The following WDFY2 variants were observed in gnomAD, a reference collection of about 807,000 sequenced individuals.
WDFY2 encodes the protein WD repeat and FYVE domain containing 2.
In WDFY2, 36 loss-of-function variants were observed where a neutral mutation model predicts 56.4. That is an observed-to-expected ratio of 0.64 (90% CI 0.49 to 0.84). The LOEUF (loss-of-function observed/expected upper bound fraction) is 0.84. WDFY2 is among the 40% of genes least tolerant of loss of function. WDFY2 has a pLI of 0.00. For synonymous variants in WDFY2, 176 were observed against 183.7 expected (o/e 0.96, Z 0.34); for missense variants, 444 against 512.2 (o/e 0.87, Z 1.29).
intron 3 of WDFY2, among the ~76,000 whole-genome samples, chr13:51,676,151 A>C (rs1434484522): frequency 6.6e-6 from 1 of 152,120 alleles, no homozygotes; most frequent in African/African-American, 2.4e-5. Flanking sequence ...TCCTGCCCCA[A>C]ACTGCTCAGA....
In WDFY2 at chr13:51,762,285, C is replaced by T. The variant is rs1056413774; in HGVS notation, c.*2516C>T. The T allele has an allele frequency of 2.6e-5, 4 of 152,208 alleles. No individual in the cohort carries two copies. Among genetic ancestry groups the T allele is most frequent in the Admixed American group, 1.3e-4 (2 of 15,272 alleles). The allele number at this position is 152,208 out of a possible 1,614,324, so 9.4% of individuals were successfully genotyped here. A position where few individuals can be genotyped will look rare whatever the true frequency, so the allele number is the denominator to read the frequency against. On this transcript the variant is annotated 3_prime_UTR_variant, in exon 12 of 12. Coordinates refer to ENST00000298125, the MANE Select transcript of WDFY2 (RefSeq NM_052950.4). ...CCTCATTCGGGAAGCAGAGTGTCCC[C>T]GTCAGATCACATATGTCCTCTACAG...
chr13:51,767,562 A>G lies in WDFY2; in HGVS notation c.*7793A>G, dbSNP rs1267948048. On this transcript the variant is annotated 3_prime_UTR_variant, in exon 12 of 12. Coordinates refer to ENST00000298125, the MANE Select transcript of WDFY2 (RefSeq NM_052950.4). ...AAATCTGCTCATTGGTTTTATTACA[A>G]CTTTTCCTGGAGTCACTAAGAGGTA... 1.3e-5 allele frequency: 2 copies of G among 152,752 alleles called. No homozygotes were observed. Among genetic ancestry groups the G allele is most frequent in the Non-Finnish European group, 2.9e-5 (2 of 68,516 alleles). The allele number at this position is 152,752 out of a possible 1,614,324, so 9.5% of individuals were successfully genotyped here.
At chr13:51,741,295 G>A (rs577619512) in intron 7 of WDFY2, among the ~76,000 whole-genome samples, 26 of 152,334 alleles carry the variant, frequency 1.7e-4, no homozygotes, top group Admixed American at 3.3e-4. Flanking sequence ...TTTGCCTGGT[G>A]CTTTATTTAA....
In WDFY2 at chr13:51,739,067, G is replaced by C. The variant is rs753265654; in HGVS notation, c.617G>C (p.Cys206Ser). Residue 206 changes from cysteine (C) to serine (S), a missense_variant, in exon 7 of 12, where the codon TGT becomes TCT. Coordinates refer to ENST00000298125, the MANE Select transcript of WDFY2 (RefSeq NM_052950.4). ...RGHTGGVTAL[C>S]WDPVQRVLFS... The stretch of plus-strand genomic sequence containing the variant: ...CTCTCAGGTGGGGTGACCGCTCTCT[G>C]TTGGGACCCAGTCCAGCGGGTGTTG... The C allele has an allele frequency of 1.3e-6, 2 of 1,597,430 alleles. No individual in the cohort carries two copies. The highest frequency in any genetic ancestry group is 1.1e-5 in the South Asian group (1 of 87,136).
intron 1 of WDFY2, among the ~76,000 whole-genome samples, chr13:51,597,489 C>A (rs1424373664): frequency 6.6e-6 from 1 of 152,190 alleles, no homozygotes; most frequent in East Asian, 1.9e-4. Flanking sequence ...GCTATAGTCA[C>A]TATTTTCAGG....
chr13:51,758,427 T>C, intron 11 of WDFY2, 127 bp downstream of exon 11: 1 of 546,066 alleles, frequency 1.8e-6, no homozygotes, highest in Non-Finnish European at 3.2e-6. Flanking sequence ...GGCATGTGTC[T>C]GTAGTCCCAG....
intron 3 of WDFY2, among the ~76,000 whole-genome samples, chr13:51,682,532 A>G (rs1035590207): frequency 1.3e-5 from 2 of 152,160 alleles, no homozygotes; most frequent in Admixed American, 6.5e-5. Flanking sequence ...TGATATTACA[A>G]AGAGGTTCGG....
intron 3 of WDFY2, among the ~76,000 whole-genome samples, chr13:51,676,714 A>G (rs997284183): frequency 6.6e-6 from 1 of 152,228 alleles, no homozygotes; most frequent in Non-Finnish European, 1.5e-5. Context: ...CATTTGGTAG[A>G]TCTGTAAACT....
At chr13:51,662,286 G>T (rs907485573) in intron 2 of WDFY2, among the ~76,000 whole-genome samples, 3 of 152,074 alleles carry the variant, frequency 2.0e-5, no homozygotes, top group Non-Finnish European at 4.4e-5. Flanking sequence ...TTTTTTAAAT[G>T]ATATAACCAG....
In WDFY2 at chr13:51,760,778, T is replaced by G. The variant is rs1202939501; in HGVS notation, c.*1009T>G. The G allele has an allele frequency of 2.0e-5, 3 of 152,326 alleles. No homozygotes were observed. The highest frequency in any genetic ancestry group is 7.2e-5 in the African/African-American group (3 of 41,468). The allele number at this position is 152,326 out of a possible 1,614,324, so 9.4% of individuals were successfully genotyped here. ...CAACCTAAATCCCTCGCATGCGCAG[T>G]TCACAATAGAGTTTCTGCTCCTGTG... On this transcript the variant is annotated 3_prime_UTR_variant, in exon 12 of 12. Transcript: ENST00000298125.
chr13:51,641,804 C>T (rs1055534114), intron 1 of WDFY2, among the ~76,000 whole-genome samples: 9 of 112,896 alleles, frequency 8.0e-5, no homozygotes, highest in Admixed American at 1.3e-4. Context: ...CCAGCCTGGG[C>T]GACAGAGCGA....
intron 1 of WDFY2, among the ~76,000 whole-genome samples, chr13:51,607,905 GC>G (rs1954413891): frequency 6.6e-6 from 1 of 152,166 alleles, no homozygotes; most frequent in South Asian, 2.1e-4. Context: ...ATCAGGATGT[GC>G]CCAGTATAAC....
At chr13:51,603,594 A>T (rs531788864) in intron 1 of WDFY2, among the ~76,000 whole-genome samples, 1 of 152,320 alleles carries the variant, frequency 6.6e-6, no homozygotes, top group African/African-American at 2.4e-5. Flanking sequence ...CCGCAATTTA[A>T]ATCATAGACT....
intron 1 of WDFY2, among the ~76,000 whole-genome samples, chr13:51,647,971 A>G (rs944140907): frequency 1.3e-5 from 2 of 152,168 alleles, no homozygotes; most frequent in South Asian, 4.1e-4. Flanking sequence ...TCAAATACAA[A>G]CTAAAAAATT....
intron 3 of WDFY2, 147 bp from the exon 4 acceptor site, chr13:51,703,448 AG>A (rs1202622158): frequency 1.7e-5 from 10 of 582,710 alleles, no homozygotes; most frequent in Non-Finnish European, 3.1e-5. Flanking sequence ...TACTTTTAAA[AG>A]GGTACAAAAA....
In WDFY2 at chr13:51,739,147, G is replaced by A. The variant is rs1952908186; in HGVS notation, c.697G>A (p.Gly233Arg). 3 of 1,595,600 alleles carry A rather than the reference G, an allele frequency of 1.9e-6. No homozygotes were observed. The highest frequency in any genetic ancestry group is 2.6e-6 in the Non-Finnish European group (3 of 1,171,334). Residue 233 changes from glycine to arginine, a missense_variant, in exon 7 of 12, where the codon GGA becomes AGA. Transcript: ENST00000298125. ...VIMWDIGGRKGTAIELQGHND... is the reference protein window; with the variant it reads ...VIMWDIGGRKRTAIELQGHND... ...CATGTGGGACATCGGTGGGAGAAAA[G>A]GAACAGCCATCGAGCTCCAAGGACA...
chr13:51,725,846 A>G (rs2138648979), intron 5 of WDFY2, among the ~76,000 whole-genome samples: 1 of 152,126 alleles, frequency 6.6e-6, no homozygotes, highest in Middle Eastern at 3.4e-3. Flanking sequence ...GGCATGTGCC[A>G]CCATGCTCAA....
intron 1 of WDFY2, among the ~76,000 whole-genome samples, chr13:51,627,564 A>G (rs533394251): frequency 6.6e-6 from 1 of 151,122 alleles, no homozygotes; most frequent in Non-Finnish European, 1.5e-5. Flanking sequence ...TTGTATTTTT[A>G]GTAGAGATGT....
At chr13:51,639,348 T>A (rs1310705873) in intron 1 of WDFY2, among the ~76,000 whole-genome samples, 4 of 152,160 alleles carry the variant, frequency 2.6e-5, no homozygotes, top group Non-Finnish European at 5.9e-5. Context: ...GAAAGGTTGA[T>A]TATAGGAGGA....
Sources: allele counts gnomAD v4.1 joint callset (sites outside exome capture counted in the v4.1 genomes callset), GRCh38; gene constraint gnomAD v4.1.1; transcripts MANE v1.5; gene names NCBI Gene and HGNC (gene_info 2026-07-23, HGNC 2026-07-21).